RHCE: variants seen among roughly 807,000 people sequenced by gnomAD.
RHCE encodes blood group Rh(CE) polypeptide.
Under a neutral mutation model 43.8 loss-of-function variants are expected in RHCE, and 22 were observed. The observed-to-expected ratio is 0.50, with a 90% CI of 0.36 to 0.72. RHCE has a LOEUF of 0.72. RHCE is among the 30% of genes least tolerant of loss of function. The probability of loss-of-function intolerance (pLI) is 0.00; values close to 1 mark genes in which losing one functional copy is unlikely to be tolerated. For missense variants in RHCE, 385 were observed against 525.4 expected (o/e 0.73, Z 2.61); for synonymous variants, 156 against 210.7 (o/e 0.74, Z 2.25).
chr1:25,386,641 C>T (rs539296210), intron 6 of RHCE, among the ~76,000 whole-genome samples: 1 of 152,170 alleles, frequency 6.6e-6, no homozygotes, highest in South Asian at 2.1e-4. Context: ...GCCAACATGG[C>T]GAAACCCCGT....
exon 1 of RHCE, chr1:25,430,093 C>T (rs897815886): frequency 6.6e-6 from 1 of 151,840 alleles, no homozygotes; most frequent in African/African-American, 2.4e-5. Flanking sequence ...CGCGGTAGTG[C>T]CCTCGCGGGT....
intron 1 of RHCE, among the ~76,000 whole-genome samples, chr1:25,418,234 C>T (rs1272046396): frequency 6.6e-6 from 1 of 152,164 alleles, no homozygotes; most frequent in African/African-American, 2.4e-5. Flanking sequence ...ACCATATGGG[C>T]CAGGCTGGTC....
At position 25,399,016 on chromosome 1, in the gene RHCE, T is replaced by G; in HGVS notation, c.486+3580A>C. ...ACGGACTATTCCCTGGCTGCAGCCC[T>G]CACTCTTCATGGTCACTGGGGCCTT... On this transcript the variant is annotated intron_variant, in intron 3 of 9. Coordinates refer to ENST00000294413, the MANE Select transcript of RHCE (RefSeq NM_020485.8). 3.3e-6 allele frequency: 5 copies of G among 1,520,550 alleles called. No individual in the cohort carries two copies. In the South Asian group the frequency reaches 5.6e-5, roughly 17 times the overall value. 94.2% of individuals were successfully genotyped at this position (1,520,550 alleles called of 1,614,324 possible).
chr1:25,378,993 C>T (rs577596404), intron 7 of RHCE, among the ~76,000 whole-genome samples: 1 of 152,298 alleles, frequency 6.6e-6, no homozygotes, highest in East Asian at 1.9e-4. Context: ...TACAAAAGCA[C>T]AGACTTACTG....
chr1:25,392,866 C>G (rs1480167706), intron 3 of RHCE, among the ~76,000 whole-genome samples: 1 of 152,070 alleles, frequency 6.6e-6, no homozygotes, highest in African/African-American at 2.4e-5. Flanking sequence ...CCCGGCCTAT[C>G]AGTAGCTCTT....
rs369495563 is a variant in RHCE at position 25,389,158 on chromosome 1, G to A, written c.802-45C>T. 8.4e-5 allele frequency: 134 copies of A among 1,592,580 alleles called. 1 individual carries two copies. The African/African-American group carries it at 1.3e-3, about 16-fold the overall frequency. On this transcript the variant is annotated intron_variant, in intron 5 of 9. Transcript: ENST00000294413. ...GGGTAAAGGAAGCAAGGTAGAGAGA[G>A]AACACCATCTTGCTGCAAGTGACCA...
intron 2 of RHCE, among the ~76,000 whole-genome samples, 156 bp downstream of exon 2, chr1:25,408,527 A>G (rs1446483687): frequency 1.6e-5 from 2 of 123,378 alleles, no homozygotes; most frequent in African/African-American, 5.0e-5. Context: ...TTTGAATTTT[A>G]AACAATGAAT....
chr1:25,389,240 C>T, intron 5 of RHCE, 127 bp from the exon 6 acceptor site: 1 of 1,487,596 alleles, frequency 6.7e-7, no homozygotes, highest in East Asian at 2.3e-5. Context: ...GATCCTGAAA[C>T]CACCTCTCCC....
chr1:25,376,956 G>T (rs1176299773), intron 7 of RHCE, among the ~76,000 whole-genome samples: 1 of 151,770 alleles, frequency 6.6e-6, no homozygotes, highest in African/African-American at 2.4e-5. Flanking sequence ...AAGATAAAAA[G>T]AGTTGCCACC....
At chr1:25,376,680 C>G (rs113386077) in intron 7 of RHCE, among the ~76,000 whole-genome samples, 1,670 of 152,142 alleles carry the variant, frequency 0.011, 35 homozygotes, top group African/African-American at 0.038. Flanking sequence ...TTTGGGAGGC[C>G]GAGGCGGGTG....
intron 8 of RHCE, among the ~76,000 whole-genome samples, chr1:25,371,543 T>G (rs972167974): frequency 6.6e-6 from 1 of 151,288 alleles, no homozygotes. Flanking sequence ...GCTCATTTTT[T>G]TGTATTTTTT....
intron 2 of RHCE, among the ~76,000 whole-genome samples, chr1:25,428,736 A>G (rs1327181403): frequency 6.6e-6 from 1 of 152,234 alleles, no homozygotes; most frequent in Non-Finnish European, 1.5e-5. Context: ...CCTACTCTGA[A>G]AAAGCAAGTA....
Position 25,419,494 on chromosome 1 carries a change from C to T in RHCE, c.148+1145G>A, listed in dbSNP as rs530260739. ...CTTTGCTTCCAGTTAACTAGCCGTT[C>T]ATATCAACCTAGGAACAAGCAAGCA... is the stretch of plus-strand genomic sequence containing the variant. On this transcript the variant is annotated intron_variant, in intron 1 of 9. Coordinates refer to ENST00000294413, the MANE Select transcript of RHCE (RefSeq NM_020485.8). Among the ~76,000 whole-genome samples the T allele has an allele frequency of 1.8e-3, 277 of 152,226 alleles. 1 individual carries two copies. Among genetic ancestry groups the T allele is most frequent in the Non-Finnish European group, 3.2e-3 (221 of 68,024 alleles).
chr1:25,400,268 G>A (rs1646691651), intron 3 of RHCE, among the ~76,000 whole-genome samples: 1 of 152,220 alleles, frequency 6.6e-6, no homozygotes, highest in Non-Finnish European at 1.5e-5. Flanking sequence ...GTCAAGCCAG[G>A]CTTTTGCCTT....
chr1:25,425,938 CAT>C (rs570890400), intron 2 of RHCE, among the ~76,000 whole-genome samples: 108 of 152,338 alleles, frequency 7.1e-4, no homozygotes, highest in Admixed American at 1.8e-3. Flanking sequence ...ATTTAACACA[CAT>C]GAGCTTTGGA....
exon 1 of RHCE, chr1:25,430,079 G>A (rs1475495563): frequency 6.6e-6 from 1 of 151,902 alleles, no homozygotes. Context: ...GGAGGCCGAT[G>A]CTTCGCGGTA....
intron 6 of RHCE, among the ~76,000 whole-genome samples, chr1:25,387,743 C>G (rs143212048): frequency 2.0e-5 from 3 of 151,968 alleles, no homozygotes; most frequent in Admixed American, 2.0e-4. Context: ...TTTTAATGAC[C>G]TCCAGTTCCA....
intron 7 of RHCE, among the ~76,000 whole-genome samples, chr1:25,382,221 T>C (rs1357097604): frequency 1.3e-5 from 2 of 148,314 alleles, no homozygotes; most frequent in East Asian, 3.9e-4. Context: ...ATTGAAGGAT[T>C]AAGTTTCTAG....
intron 3 of RHCE, among the ~76,000 whole-genome samples, chr1:25,397,541 T>C (rs1646590896): frequency 6.6e-6 from 1 of 151,818 alleles, no homozygotes; most frequent in Admixed American, 6.6e-5. Flanking sequence ...CAGACCATTG[T>C]TCTTTTTTCC....
Sources: gnomAD v4.1 joint callset for allele counts (sites outside exome capture counted in the v4.1 genomes callset) on GRCh38, gnomAD v4.1.1 for gene constraint, MANE v1.5 for transcripts, NCBI Gene and HGNC (gene_info 2026-07-23, HGNC 2026-07-21) for gene names.